GRID2: variants seen among roughly 807,000 people sequenced by gnomAD.
GRID2 encodes glutamate receptor ionotropic, delta-2.
Under a neutral mutation model 114.8 loss-of-function variants are expected in GRID2, and 33 were observed. The observed-to-expected ratio is 0.29, with a 90% confidence interval of 0.22 to 0.38. GRID2 has a LOEUF of 0.38. Ranked by LOEUF, GRID2 falls within the 10% of genes least tolerant of loss-of-function variation. The pLI is 1.00. For missense variants in GRID2, 1,184 were observed against 1,257.7 expected (o/e 0.94, Z 0.89); for synonymous variants, 505 against 449.9 (o/e 1.12, Z -1.55).
intron 4 of GRID2, among the ~76,000 whole-genome samples, chr4:93,200,574 C>T (rs1373020008): frequency 6.9e-6 from 1 of 143,928 alleles, no homozygotes; most frequent in African/African-American, 3.0e-5. Flanking sequence ...TCAAAACAAA[C>T]AAACAAACAA....
intron 8 of GRID2, among the ~76,000 whole-genome samples, chr4:93,242,532 A>T (rs571593827): frequency 1.3e-5 from 2 of 152,042 alleles, no homozygotes; most frequent in Non-Finnish European, 2.9e-5. Flanking sequence ...TGGCAAGGCA[A>T]TGGTTGAAGT....
At chr4:93,518,231 T>G (rs1296462220) in intron 13 of GRID2, among the ~76,000 whole-genome samples, 3 of 151,722 alleles carry the variant, frequency 2.0e-5, no homozygotes, top group African/African-American at 7.3e-5. Context: ...ACTAGTCTCA[T>G]TAAGTTTCTC....
At chr4:93,159,772 A>G (rs1737517625) in intron 4 of GRID2, among the ~76,000 whole-genome samples, 1 of 144,912 alleles carries the variant, frequency 6.9e-6, no homozygotes, top group South Asian at 2.2e-4. Context: ...TTTATTTAGT[A>G]TTATCAGTAC....
intron 4 of GRID2, among the ~76,000 whole-genome samples, chr4:93,152,540 A>C (rs1332829346): frequency 6.6e-6 from 1 of 152,140 alleles, no homozygotes; most frequent in African/African-American, 2.4e-5. Flanking sequence ...GAACAGGTGG[A>C]TACATACTGG....
intron 4 of GRID2, among the ~76,000 whole-genome samples, chr4:93,181,697 C>A (rs1042301547): frequency 3.9e-5 from 6 of 152,068 alleles, no homozygotes; most frequent in Admixed American, 3.3e-4. Context: ...TATTATGCAC[C>A]CTCATGAACC....
At chr4:92,871,593 C>T (rs913459584) in intron 2 of GRID2, among the ~76,000 whole-genome samples, 1 of 152,158 alleles carries the variant, frequency 6.6e-6, no homozygotes, top group African/African-American at 2.4e-5. Flanking sequence ...TACTGACACT[C>T]ATGAGTCAAG....
intron 14 of GRID2, among the ~76,000 whole-genome samples, chr4:93,677,126 A>G (rs573644146): frequency 6.6e-6 from 1 of 152,172 alleles, no homozygotes; most frequent in African/African-American, 2.4e-5. Context: ...AGGAGATTAT[A>G]TCCCGCACCT....
intron 8 of GRID2, among the ~76,000 whole-genome samples, chr4:93,248,648 A>G (rs1458222349): frequency 6.6e-6 from 1 of 152,124 alleles, no homozygotes; most frequent in African/African-American, 2.4e-5. Context: ...AGCAGTAACT[A>G]GGTTTTATAT....
intron 2 of GRID2, among the ~76,000 whole-genome samples, chr4:92,749,310 C>CTATTTT (rs1295067924): frequency 1.4e-5 from 1 of 72,006 alleles, no homozygotes; most frequent in Non-Finnish European, 2.4e-5. Context: ...TGATTTGTAG[C>CTATTTT]TTTTTTTTTT....
intron 2 of GRID2, among the ~76,000 whole-genome samples, chr4:92,889,982 C>T (rs543544371): frequency 6.6e-6 from 1 of 152,298 alleles, no homozygotes. Flanking sequence ...ACCGTCTGAT[C>T]TTTGACAAAC....
intron 1 of GRID2, among the ~76,000 whole-genome samples, chr4:92,505,996 T>C (rs1723948098): frequency 6.6e-6 from 1 of 152,006 alleles, no homozygotes; most frequent in African/African-American, 2.4e-5. Flanking sequence ...AGGTATAGAT[T>C]AAGAATGGCA....
At chr4:92,518,824 T>C (rs974290756) in intron 1 of GRID2, among the ~76,000 whole-genome samples, 1 of 151,952 alleles carries the variant, frequency 6.6e-6, no homozygotes, top group Non-Finnish European at 1.5e-5. Context: ...TTCCTTTTTC[T>C]GAAAATAGAC....
intron 2 of GRID2, among the ~76,000 whole-genome samples, chr4:93,022,481 G>A (rs1723471913): frequency 6.6e-6 from 1 of 151,848 alleles, no homozygotes; most frequent in African/African-American, 2.4e-5. Context: ...TATGAACAAT[G>A]TTGTAATGAA....
intron 2 of GRID2, among the ~76,000 whole-genome samples, chr4:92,725,292 A>T (rs965457842): frequency 3.3e-5 from 5 of 152,144 alleles, no homozygotes; most frequent in Non-Finnish European, 7.3e-5. Context: ...TGACAGAGCA[A>T]CACTGTCTCA....
At chr4:92,416,778 C>T (rs780255448) in intron 1 of GRID2, among the ~76,000 whole-genome samples, 2 of 152,004 alleles carry the variant, frequency 1.3e-5, no homozygotes, top group Non-Finnish European at 2.9e-5. Context: ...TATTTTTATA[C>T]CAGTACCATG....
intron 13 of GRID2, among the ~76,000 whole-genome samples, chr4:93,528,211 T>C (rs2149509970): frequency 6.6e-6 from 1 of 152,132 alleles, no homozygotes; most frequent in Middle Eastern, 3.4e-3. Context: ...ATTTTGTTTA[T>C]CTGTTCATTA....
At chr4:92,562,630 G>C (rs141022310) in intron 1 of GRID2, among the ~76,000 whole-genome samples, 1 of 152,044 alleles carries the variant, frequency 6.6e-6, no homozygotes, top group East Asian at 1.9e-4. Flanking sequence ...TCCTGTGCCC[G>C]GTAGGCCCGA....
intron 3 of GRID2, among the ~76,000 whole-genome samples, chr4:93,090,230 A>G (rs556098778): frequency 6.6e-6 from 1 of 152,276 alleles, no homozygotes; most frequent in Admixed American, 6.5e-5. Flanking sequence ...AATGAGCAGG[A>G]TTGATCTCAA....
chr4:92,599,816 A>G (rs188559737), intron 2 of GRID2, among the ~76,000 whole-genome samples: 211 of 151,828 alleles, frequency 1.4e-3, no homozygotes, highest in African/African-American at 4.9e-3. Context: ...CACGAGGTCA[A>G]GATATCGAGA....
Sources: allele counts gnomAD v4.1 joint callset (sites outside exome capture counted in the v4.1 genomes callset), GRCh38; gene constraint gnomAD v4.1.1; transcripts MANE v1.5; gene names NCBI Gene and HGNC (gene_info 2026-07-23, HGNC 2026-07-21).